The following NUBP2 variants were observed in gnomAD, a reference collection of about 807,000 sequenced individuals.
NUBP2 encodes cytosolic Fe-S cluster assembly factor NUBP2.
NUBP2 carries 23 observed loss-of-function variants against 24.9 expected under a neutral mutation model. The ratio of observed to expected loss-of-function variants is 0.92; its 90% CI spans 0.66 to 1.31. The LOEUF (loss-of-function observed/expected upper bound fraction) is 1.31. Among genes scored for constraint, NUBP2 ranks in the 50% most tolerant of loss-of-function variants. NUBP2 has a pLI of 0.00. For synonymous variants in NUBP2, 186 were observed against 170.9 expected, an observed-to-expected ratio of 1.09 and a Z score of -0.69; for missense variants, 403 against 386.5, an observed-to-expected ratio of 1.04 and a Z score of -0.36.
chr16:1,785,001 G>A (rs1896895033), intron 1 of NUBP2: 8 of 804,012 alleles, frequency 1.0e-5, no homozygotes, highest in Non-Finnish European at 1.2e-5. Context: ...GCAGTGAGCC[G>A]AGATTGCGCC....
In NUBP2 at chr16:1,789,071, G is replaced by A. The variant is rs45604932; in HGVS notation, c.*357G>A. ...CCCCGGGCCTCCAGCACCCTGGGTC[G>A]CTGTCATCTGTGTTTAGCTCGGGGA... On this transcript the variant is annotated 3_prime_UTR_variant, in exon 7 of 7. Coordinates refer to ENST00000262302, the MANE Select transcript of NUBP2 (RefSeq NM_012225.4). The A allele has an allele frequency of 6.2e-5, 14 of 226,780 alleles. No individual in the cohort carries two copies. The highest frequency in any genetic ancestry group is 1.0e-4 in the East Asian group (1 of 9,694). 14.0% of individuals were successfully genotyped at this position (226,780 alleles called of 1,614,324 possible).
intron 1 of NUBP2, chr16:1,785,226 G>A (rs369018482): frequency 3.0e-6 from 3 of 1,009,088 alleles, no homozygotes; most frequent in Non-Finnish European, 2.4e-6. Flanking sequence ...TGCCCCACCC[G>A]GCAGGCTCAT....
rs115318457 is a variant in NUBP2, at chr16:1,787,429, G to T, written c.335-248G>T. On this transcript the variant is annotated intron_variant, in intron 3 of 6. Coordinates refer to ENST00000262302, the MANE Select transcript of NUBP2 (RefSeq NM_012225.4). ...GCTCCGTGTTCTGATTTGGGGCCTCGGGGAGTCAGCGGGGGCTCTGTGGGC... is the reference window on the plus strand; with the variant it reads ...GCTCCGTGTTCTGATTTGGGGCCTCTGGGAGTCAGCGGGGGCTCTGTGGGC... The T allele has an allele frequency of 3.0e-3, 1,737 of 573,626 alleles. 25 individuals are homozygous for T. The highest frequency in any genetic ancestry group is 0.03 in the African/African-American group (1,582 of 53,508). The allele number at this position is 573,626 out of a possible 1,614,324, so 35.5% of individuals were successfully genotyped here.
chr16:1,787,757 G>A lies in NUBP2; in HGVS notation c.415G>A (p.Asp139Asn), dbSNP rs970958899. 1.9e-6 allele frequency: 3 copies of A among 1,612,582 alleles called. No individual in the cohort carries two copies. The highest frequency in any genetic ancestry group is 1.1e-5 in the South Asian group (1 of 91,090). ...LVVDTPPGTS[D>N]EHMATIEALR... ...GGTGGACACGCCCCCGGGGACCTCC[G>A]ATGAGCACATGGCCACCATAGAAGC... The change falls in exon 4 of 7, where the codon GAT (aspartate) becomes AAT (asparagine). Residue 139 changes from aspartate to asparagine, a missense_variant. By Grantham distance (23) the Asp-to-Asn change is conservative. Transcript: ENST00000262302.
chr16:1,786,233 C>CGA (rs1251268830), intron 1 of NUBP2: 1 of 419,192 alleles, frequency 2.4e-6, no homozygotes, highest in African/African-American at 2.0e-5. Flanking sequence ...CACACGCGCA[C>CGA]GAAGGAACGC....
chr16:1,788,163 G>C lies in NUBP2; in HGVS notation c.626G>C (p.Gly209Ala), dbSNP rs769596207. ...CTECTSVFSR[G>A]GGEELAQLAG... ...GAGTGCACCAGCGTCTTCTCCAGGG[G>C]CGGCGGAGAGGAGCTGGCCCAGCTC... Residue 209 changes from glycine to alanine, a missense_variant, in exon 6 of 7, where the codon GGC (glycine) becomes GCC (alanine). Transcript: ENST00000262302. 6.5e-7 allele frequency: 1 copy of C among 1,537,950 alleles called. No individual in the cohort carries two copies. The highest frequency in any genetic ancestry group is 1.2e-5 in the South Asian group (1 of 80,708).
In NUBP2 at chr16:1,787,674, C is replaced by A. The variant is rs759125110; in HGVS notation, c.335-3C>A. ...GACCGCCCCGTCTGCCCCGTCTTTG[C>A]AGCGCTGATAAAGCAGTTTGTGTCC... On this transcript the variant is annotated splice_region_variant and splice_polypyrimidine_tract_variant and intron_variant, in intron 3 of 6. Coordinates refer to ENST00000262302, the MANE Select transcript of NUBP2 (RefSeq NM_012225.4). 6.2e-7 allele frequency: 1 copy of A among 1,612,074 alleles called. No homozygotes were observed. Among genetic ancestry groups the A allele is most frequent in the African/African-American group, 1.3e-5 (1 of 74,920 alleles).
chr16:1,787,303 CTGG>C (rs1596875454), intron 3 of NUBP2: 1 of 412,812 alleles, frequency 2.4e-6, no homozygotes, highest in East Asian at 4.0e-5. Flanking sequence ...CAGGGAGAGG[CTGG>C]TGGGAGTGAG....
At chr16:1,784,194 G>C (rs926401366) in intron 1 of NUBP2, 1 of 238,982 alleles carries the variant, frequency 4.2e-6, no homozygotes, top group Non-Finnish European at 6.7e-6. Context: ...GGGCTCAAGC[G>C]ACCCTCCCAC....
intron 1 of NUBP2, chr16:1,785,198 C>T: frequency 1.0e-6 from 1 of 1,003,920 alleles, no homozygotes; most frequent in Non-Finnish European, 1.2e-6. Flanking sequence ...CGCCTCCTTC[C>T]TGCACTTCCA....
At position 1,787,663 on chromosome 16, in the gene NUBP2, C is replaced by T. The variant is rs772002603; in HGVS notation, c.335-14C>T. On this transcript the variant is annotated splice_polypyrimidine_tract_variant and intron_variant, in intron 3 of 6. Transcript: ENST00000262302. ...TGCCCTGCCCTGACCGCCCCGTCTG[C>T]CCCGTCTTTGCAGCGCTGATAAAGC... 1.2e-6 allele frequency: 2 copies of T among 1,611,204 alleles called. No homozygotes were observed. Among genetic ancestry groups the T allele is most frequent in the East Asian group, 2.2e-5 (1 of 44,832 alleles).
Position 1,788,879 on chromosome 16 carries a change from C to T in NUBP2, c.*165C>T, listed in dbSNP as rs1897127931. 1.1e-6 allele frequency: 1 copy of T among 902,334 alleles called. No individual in the cohort carries two copies. The highest frequency in any genetic ancestry group is 1.6e-6 in the Non-Finnish European group (1 of 622,472). The allele number at this position is 902,334 out of a possible 1,614,324, so 55.9% of individuals were successfully genotyped here. ...CAGCCCAGCCCCAGGATGTGTCGCA[C>T]CAGCAGCTCTGCCTGGTTGGCCTGC... On this transcript the variant is annotated 3_prime_UTR_variant, in exon 7 of 7. Transcript: ENST00000262302.
At position 1,786,786 on chromosome 16, in the gene NUBP2, C is replaced by A; in HGVS notation, c.165C>A (p.Gly55=). The A allele has an allele frequency of 6.2e-7, 1 of 1,611,004 alleles. No homozygotes were observed. Among genetic ancestry groups the A allele is most frequent in the Non-Finnish European group, 8.5e-7 (1 of 1,178,810 alleles). The change falls in exon 3 of 7, where the codon GGC becomes GGA. Residue 55 remains glycine (G), a synonymous_variant. Transcript: ENST00000262302. ...GAATCCTGGATGTGGACCTGTGTGGCCCCAGTATCCCCCGCATGCTCGGGG... is the reference window on the plus strand; with the variant it reads ...GAATCCTGGATGTGGACCTGTGTGGACCCAGTATCCCCCGCATGCTCGGGG... ...KVGILDVDLC[G]PSIPRMLGAQ... is the part of the protein sequence containing the mutation.
intron 1 of NUBP2, chr16:1,783,391 G>A: frequency 1.9e-6 from 2 of 1,061,500 alleles, no homozygotes; most frequent in African/African-American, 1.7e-5. Context: ...GGGCAAGAGC[G>A]AGACCCTGTC....
intron 1 of NUBP2, chr16:1,783,563 C>T (rs921880346): frequency 3.0e-5 from 28 of 929,934 alleles, no homozygotes; most frequent in Non-Finnish European, 1.3e-6. Flanking sequence ...GCCAGATCAG[C>T]GCCGTGGGCC....
At chr16:1,786,182 G>A (rs558303967) in intron 1 of NUBP2, 2 of 354,920 alleles carry the variant, frequency 5.6e-6, no homozygotes, top group African/African-American at 2.1e-5. Flanking sequence ...AATAGCAGGG[G>A]GCTGGCAGTT....
intron 1 of NUBP2, chr16:1,785,458 T>TG (rs1896917748): frequency 8.4e-7 from 1 of 1,187,312 alleles, no homozygotes; most frequent in South Asian, 1.6e-5. Flanking sequence ...CCAGCACTGA[T>TG]GGCAGCATGG....
chr16:1,784,085 T>C, intron 1 of NUBP2: 3 of 966,354 alleles, frequency 3.1e-6, no homozygotes, highest in Non-Finnish European at 3.7e-6. Context: ...ATTACTGAGA[T>C]TGATAGAAGC....
At chr16:1,787,160 AGAGG>A (rs1897014276) in intron 3 of NUBP2, 1 of 518,336 alleles carries the variant, frequency 1.9e-6, no homozygotes. Flanking sequence ...ACTCCCGGTC[AGAGG>A]GAGTGGGGTC....
Sources: gnomAD v4.1 joint callset for allele counts on GRCh38, gnomAD v4.1.1 for gene constraint, MANE v1.5 for transcripts, NCBI Gene and HGNC (gene_info 2026-07-23, HGNC 2026-07-21) for gene names.